SLC38A6: variants seen among roughly 807,000 people sequenced by gnomAD.
SLC38A6 encodes the protein solute carrier family 38 member 6, also known as N system amino acid transporter NAT-1.
In SLC38A6, 73 loss-of-function variants were observed where a neutral mutation model predicts 65.0. The observed-to-expected ratio is 1.12, with a 90% confidence interval of 0.93 to 1.37. SLC38A6 has a LOEUF of 1.37. Ranked by LOEUF, SLC38A6 falls within the 40% of genes most tolerant of loss-of-function variation. The probability of loss-of-function intolerance (pLI) is 0.00; values close to 1 mark genes in which losing one functional copy is unlikely to be tolerated. For synonymous variants in SLC38A6, 183 were observed against 178.8 expected (o/e 1.02, Z -0.19); for missense variants, 561 against 531.1 (o/e 1.06, Z -0.55).
intron 15 of SLC38A6, 36 bp from the exon 16 acceptor site, chr14:61,052,308 TTTATC>T (rs1566714623): frequency 6.8e-7 from 1 of 1,476,192 alleles, no homozygotes; most frequent in Non-Finnish European, 9.1e-7. Context: ...TCTTTTTTCT[TTTATC>T]TTTCTTATCT....
chr14:61,023,458 A>G (rs2040442988), intron 5 of SLC38A6, among the ~76,000 whole-genome samples: 1 of 151,844 alleles, frequency 6.6e-6, no homozygotes, highest in Admixed American at 6.6e-5. Context: ...TGTAAGTCCC[A>G]GCTACTCAGG....
intron 3 of SLC38A6, among the ~76,000 whole-genome samples, chr14:60,994,908 G>A (rs570184639): frequency 2.2e-4 from 32 of 148,820 alleles, no homozygotes; most frequent in African/African-American, 7.9e-4. Flanking sequence ...GGAGGCTGAG[G>A]CAGGAGAATC....
intron 3 of SLC38A6, chr14:61,002,207 G>C (rs140096384): frequency 6.6e-6 from 1 of 152,140 alleles, no homozygotes; most frequent in Admixed American, 6.5e-5. Flanking sequence ...TCTGTGTTGA[G>C]TGTTTTAAAA....
At chr14:60,992,371 A>G (rs959194363) in intron 3 of SLC38A6, among the ~76,000 whole-genome samples, 3 of 151,922 alleles carry the variant, frequency 2.0e-5, no homozygotes, top group Non-Finnish European at 4.4e-5. Flanking sequence ...TATCTCCTTC[A>G]CCTCGTACAT....
rs560909332 is a variant in SLC38A6, at chr14:61,037,676, C to G, written c.617C>G (p.Ala206Gly). Reference protein sequence around the residue: ...SLSFFFMMFFALVVIIKKWSI... With the variant: ...SLSFFFMMFFGLVVIIKKWSI... ...TCATTTTTCTTTATGATGTTCTTTGCTCTTGTGGTAAGTTTAAAATATAAT... is the reference window on the plus strand; with the variant it reads ...TCATTTTTCTTTATGATGTTCTTTGGTCTTGTGGTAAGTTTAAAATATAAT... Residue 206 changes from alanine to glycine, a missense_variant, in exon 8 of 16, where the codon GCT becomes GGT. By Grantham distance (60) the Ala-to-Gly change is moderately conservative. Transcript: ENST00000267488. The G allele has an allele frequency of 6.3e-7, 1 of 1,586,630 alleles. No individual in the cohort carries two copies. Among genetic ancestry groups the G allele is most frequent in the Non-Finnish European group, 8.6e-7 (1 of 1,161,132 alleles).
At chr14:61,010,317 A>G (rs2039461659) in intron 3 of SLC38A6, among the ~76,000 whole-genome samples, 2 of 152,064 alleles carry the variant, frequency 1.3e-5, no homozygotes, top group East Asian at 1.9e-4. Context: ...ATTTTCTCCC[A>G]TTTTGTAGGT....
At position 61,030,429 on chromosome 14, in the gene SLC38A6, A is replaced by T. The variant is rs1465146; in HGVS notation, c.404-16A>T. 1,573,906 of 1,574,770 alleles carry T rather than the reference A, an allele frequency of 1. 786,528 individuals carry two copies. The highest frequency in any genetic ancestry group is 1 in the Middle Eastern group (5,476 of 5,476). ...ATCATAGAATTCTAATAGGAACACT[A>T]TTTATTCTTTTGCAGCTATGTCATC... On this transcript the variant is annotated splice_polypyrimidine_tract_variant and intron_variant, in intron 5 of 15. Transcript: ENST00000267488.
At chr14:61,030,698 T>C in intron 6 of SLC38A6, 175 bp downstream of exon 6, 2 of 519,530 alleles carry the variant, frequency 3.8e-6, no homozygotes, top group Non-Finnish European at 6.9e-6. Flanking sequence ...ACTCAGCCAA[T>C]GTTTGATTAC....
chr14:61,061,572 C>G (rs2042842297), intron 15 of SLC38A6, among the ~76,000 whole-genome samples: 1 of 152,122 alleles, frequency 6.6e-6, no homozygotes, highest in Non-Finnish European at 1.5e-5. Context: ...TTGTCTTTTC[C>G]AAAATGTCAT....
At chr14:61,037,203 G>C in intron 7 of SLC38A6, 62 bp downstream of exon 7, 1 of 1,264,416 alleles carries the variant, frequency 7.9e-7, no homozygotes, top group Non-Finnish European at 1.1e-6. Flanking sequence ...GAGGGAAAGA[G>C]AGACAAATAT....
At chr14:61,014,448 A>G (rs2039838038) in intron 3 of SLC38A6, among the ~76,000 whole-genome samples, 1 of 152,136 alleles carries the variant, frequency 6.6e-6, no homozygotes, top group East Asian at 1.9e-4. Context: ...CCTTTGGAGG[A>G]ACAGAGGTGC....
intron 3 of SLC38A6, among the ~76,000 whole-genome samples, chr14:60,995,316 C>T (rs998273370): frequency 6.6e-6 from 1 of 152,166 alleles, no homozygotes; most frequent in Non-Finnish European, 1.5e-5. Context: ...CCATTTTCAA[C>T]AACATGCATA....
chr14:60,991,544 G>A (rs1212048293), intron 3 of SLC38A6, among the ~76,000 whole-genome samples: 1 of 152,218 alleles, frequency 6.6e-6, no homozygotes. Context: ...CACACAGTCT[G>A]GCTCTAAAAT....
chr14:61,046,138 C>G lies in SLC38A6; in HGVS notation c.896C>G (p.Ser299Cys), dbSNP rs764382168. Reference protein sequence around the residue: ...IALSFLIYFISALFGYLTFYD... With the variant: ...IALSFLIYFICALFGYLTFYD... ...TTAAGTTTTCTCATTTATTTTATAT[C>G]TGCACTCTTTGGGTACCTCACTTTT... The change falls in exon 12 of 16, where the codon TCT becomes TGT. Residue 299 changes from serine to cysteine, a missense_variant. Coordinates refer to ENST00000267488, the MANE Select transcript of SLC38A6 (RefSeq NM_153811.3). 5.0e-6 allele frequency: 8 copies of G among 1,607,248 alleles called. No individual in the cohort carries two copies. The highest frequency in any genetic ancestry group is 6.8e-6 in the Non-Finnish European group (8 of 1,174,796).
intron 3 of SLC38A6, among the ~76,000 whole-genome samples, chr14:60,986,898 A>C (rs1027454089): frequency 3.9e-5 from 6 of 152,170 alleles, no homozygotes; most frequent in African/African-American, 1.4e-4. Flanking sequence ...CAGTGTGTGG[A>C]GATTTCTAAG....
chr14:61,005,602 G>C (rs1324387600), intron 3 of SLC38A6, among the ~76,000 whole-genome samples: 1 of 151,750 alleles, frequency 6.6e-6, no homozygotes, highest in African/African-American at 2.4e-5. Flanking sequence ...AGAGAATAAA[G>C]TACCTAGGAA....
At chr14:61,042,137 T>G (rs541069938) in intron 8 of SLC38A6, among the ~76,000 whole-genome samples, 16 of 152,208 alleles carry the variant, frequency 1.1e-4, no homozygotes, top group Non-Finnish European at 1.9e-4. Flanking sequence ...ACAGTAATTT[T>G]TTTCTTGGTG....
rs1160928465 is a variant in SLC38A6 at position 61,009,988 on chromosome 14, A to T, written c.311-5916A>T. ...TTCCACAATGGTTGAACTAGTTTACAGTCCCACCAACAGTGTAAAAGTGTT... is the reference window on the plus strand; with the variant it reads ...TTCCACAATGGTTGAACTAGTTTACTGTCCCACCAACAGTGTAAAAGTGTT... On this transcript the variant is annotated intron_variant, in intron 3 of 15. Coordinates refer to ENST00000267488, the MANE Select transcript of SLC38A6 (RefSeq NM_153811.3). Among the ~76,000 whole-genome samples, 3 of 152,368 alleles carry T rather than the reference A, an allele frequency of 2.0e-5. No homozygotes were observed. The South Asian group carries it at 6.2e-4, about 32-fold the overall frequency.
At chr14:61,070,628 T>A (rs1258616775) in intron 15 of SLC38A6, among the ~76,000 whole-genome samples, 1 of 152,216 alleles carries the variant, frequency 6.6e-6, no homozygotes, top group Non-Finnish European at 1.5e-5. Context: ...TTTTGAAGAA[T>A]CTCTATACTG....
Sources: allele counts gnomAD v4.1 joint callset (sites outside exome capture counted in the v4.1 genomes callset), GRCh38; gene constraint gnomAD v4.1.1; transcripts MANE v1.5; gene names NCBI Gene and HGNC (gene_info 2026-07-23, HGNC 2026-07-21).